The following CNTN1 variants were observed in gnomAD, a reference collection of about 807,000 sequenced individuals.
The protein encoded by CNTN1 is contactin-1.
Under a neutral mutation model 126.4 loss-of-function variants are expected in CNTN1, and 38 were observed. That is an observed-to-expected ratio of 0.30 (90% CI 0.23 to 0.39). The LOEUF (loss-of-function observed/expected upper bound fraction) is 0.39. Among genes scored for constraint, CNTN1 ranks in the 10% least tolerant of loss-of-function variants. CNTN1 has a pLI of 1.00. For missense variants in CNTN1, 1,009 were observed against 1,248.4 expected, an observed-to-expected ratio of 0.81 and a Z score of 2.89; for synonymous variants, 413 against 422.6, an observed-to-expected ratio of 0.98 and a Z score of 0.28.
intron 1 of CNTN1, among the ~76,000 whole-genome samples, chr12:40,804,659 T>C (rs893185505): frequency 5.3e-5 from 8 of 151,940 alleles, no homozygotes; most frequent in African/African-American, 1.9e-4. Flanking sequence ...ATTCAGGTTA[T>C]AGGGTCTTCA....
intron 1 of CNTN1, 144 bp from the exon 2 acceptor site, chr12:40,908,213 T>G: frequency 1.9e-6 from 1 of 536,712 alleles, no homozygotes; most frequent in Non-Finnish European, 3.3e-6. Context: ...AAGCATAAAG[T>G]CACATAGGTT....
At chr12:40,771,864 T>C (rs1445225739) in intron 1 of CNTN1, among the ~76,000 whole-genome samples, 2 of 152,068 alleles carry the variant, frequency 1.3e-5, no homozygotes, top group African/African-American at 4.8e-5. Flanking sequence ...ACAATTTAAA[T>C]GGTCTTGATC....
At chr12:40,942,220 G>C (rs1946285075) in intron 12 of CNTN1, among the ~76,000 whole-genome samples, 1 of 152,120 alleles carries the variant, frequency 6.6e-6, no homozygotes, top group South Asian at 2.1e-4. Flanking sequence ...TTGGTACTGT[G>C]TTAATATGTG....
intron 17 of CNTN1, among the ~76,000 whole-genome samples, chr12:40,999,697 C>CTTTTTTTTTTTTTTT (rs398019220): frequency 1.2e-5 from 1 of 86,646 alleles, no homozygotes; most frequent in Non-Finnish European, 2.1e-5. Context: ...TTCTTCTGTG[C>CTTTTTTTTTTTTTTT]TTTTTTTTTT....
intron 14 of CNTN1, among the ~76,000 whole-genome samples, chr12:40,949,581 T>TTC (rs962044832): frequency 7.6e-6 from 1 of 132,150 alleles, no homozygotes; most frequent in African/African-American, 2.8e-5. Context: ...TTTTTTTTTT[T>TTC]TTTTTTTTTT....
intron 23 of CNTN1, among the ~76,000 whole-genome samples, chr12:41,066,306 T>C (rs1335484545): frequency 6.6e-6 from 1 of 152,176 alleles, no homozygotes; most frequent in Non-Finnish European, 1.5e-5. Context: ...AGAGAGATTA[T>C]GCAATATAGA....
At chr12:40,793,374 G>T (rs552598559) in intron 1 of CNTN1, among the ~76,000 whole-genome samples, 16 of 151,546 alleles carry the variant, frequency 1.1e-4, no homozygotes, top group Non-Finnish European at 2.1e-4. Context: ...CTGTTAGTCT[G>T]TCTTTTGTTA....
intron 15 of CNTN1, among the ~76,000 whole-genome samples, chr12:40,967,403 C>T (rs1254953364): frequency 2.0e-5 from 3 of 152,066 alleles, no homozygotes; most frequent in Non-Finnish European, 2.9e-5. Flanking sequence ...TCACTTGAAC[C>T]CAGGAGGTGG....
chr12:40,741,794 T>C (rs1456235911), intron 1 of CNTN1, among the ~76,000 whole-genome samples: 1 of 152,064 alleles, frequency 6.6e-6, no homozygotes, highest in Non-Finnish European at 1.5e-5. Context: ...GTGATGGATA[T>C]TTACAAATAA....
intron 23 of CNTN1, among the ~76,000 whole-genome samples, chr12:41,060,480 T>C (rs754227396): frequency 5.3e-5 from 8 of 152,226 alleles, no homozygotes; most frequent in Non-Finnish European, 1.2e-4. Context: ...AGGAATAATT[T>C]AGCACTTGTT....
At chr12:40,707,126 T>A (rs1941777341) in intron 1 of CNTN1, among the ~76,000 whole-genome samples, 1 of 151,602 alleles carries the variant, frequency 6.6e-6, no homozygotes, top group South Asian at 2.1e-4. Context: ...TGCTTTTAAA[T>A]ACCTCAAGGA....
intron 17 of CNTN1, among the ~76,000 whole-genome samples, chr12:40,995,746 T>A (rs2044090): frequency 2.0e-5 from 3 of 150,454 alleles, no homozygotes; most frequent in Non-Finnish European, 4.4e-5. Flanking sequence ...TTCTCAATTG[T>A]AAAAAAAAAA....
At chr12:40,887,933 A>G (rs948711176) in intron 1 of CNTN1, among the ~76,000 whole-genome samples, 8 of 147,662 alleles carry the variant, frequency 5.4e-5, no homozygotes, top group Non-Finnish European at 1.0e-4. Context: ...CAAACACTGC[A>G]TGTTCTCACT....
At chr12:40,695,457 G>A (rs1168254936) in intron 1 of CNTN1, among the ~76,000 whole-genome samples, 3 of 152,136 alleles carry the variant, frequency 2.0e-5, no homozygotes, top group Non-Finnish European at 4.4e-5. Flanking sequence ...AGACCAACTA[G>A]GAAGAGCTGA....
intron 1 of CNTN1, among the ~76,000 whole-genome samples, chr12:40,908,057 C>T (rs1485865807): frequency 6.6e-6 from 1 of 152,092 alleles, no homozygotes; most frequent in Non-Finnish European, 1.5e-5. Flanking sequence ...GAAAAGAAAC[C>T]TAAACACATG....
intron 17 of CNTN1, among the ~76,000 whole-genome samples, chr12:41,002,633 C>T (rs777160): frequency 9.1e-4 from 136 of 149,962 alleles, no homozygotes; most frequent in African/African-American, 3.3e-3. Context: ...TCTCCGCTCA[C>T]TGCAACCTCT....
chr12:40,944,051 G>T lies in CNTN1; in HGVS notation c.1564G>T (p.Ala522Ser). The part of the protein sequence containing the change: ...INADITVGEN[A>S]TMQCAASFDP... ...TGCCGATATCACAGTTGGAGAAAACGCCACCATGCAGTGTGCTGCGTCCTT... is the reference window on the plus strand; with the variant it reads ...TGCCGATATCACAGTTGGAGAAAACTCCACCATGCAGTGTGCTGCGTCCTT... Residue 522 changes from alanine (A) to serine (S), a missense_variant, in exon 14 of 24, where the codon GCC becomes TCC. Coordinates refer to ENST00000551295, the MANE Select transcript of CNTN1 (RefSeq NM_001843.4). 4 of 1,613,430 alleles carry T rather than the reference G, an allele frequency of 2.5e-6. No individual in the cohort carries two copies. The highest frequency in any genetic ancestry group is 3.4e-6 in the Non-Finnish European group (4 of 1,179,604).
chr12:40,695,121 G>A (rs1160624411), intron 1 of CNTN1, among the ~76,000 whole-genome samples: 1 of 152,178 alleles, frequency 6.6e-6, no homozygotes, highest in Non-Finnish European at 1.5e-5. Context: ...TAATTAGGAA[G>A]TACTTTGCAG....
rs1202070972 is a variant in CNTN1 at position 40,885,530 on chromosome 12, G to C, written c.-76-22827G>C. Among the ~76,000 whole-genome samples the C allele has an allele frequency of 2.0e-5, 3 of 151,990 alleles. No individual in the cohort carries two copies. In the East Asian group the frequency reaches 5.8e-4, roughly 29 times the overall value. ...CCTACTAGTTAACTGTGTGACCTTA[G>C]CTACTTCACATCTTTGTGTCTCAAT... On this transcript the variant is annotated intron_variant, in intron 1 of 23. Transcript: ENST00000551295.
Sources: gnomAD v4.1 joint callset for allele counts (sites outside exome capture counted in the v4.1 genomes callset) on GRCh38, gnomAD v4.1.1 for gene constraint, MANE v1.5 for transcripts, NCBI Gene and HGNC (gene_info 2026-07-23, HGNC 2026-07-21) for gene names.